Variants in PPP1R9B observed in about 807,000 individuals in gnomAD.
The protein encoded by PPP1R9B is neurabin-2.
In PPP1R9B, 17 loss-of-function variants were observed where a neutral mutation model predicts 75.8. The ratio of observed to expected loss-of-function variants is 0.22; its 90% CI spans 0.15 to 0.34. PPP1R9B has a LOEUF of 0.34. Ranked by LOEUF, PPP1R9B falls within the 10% of genes least tolerant of loss-of-function variation. PPP1R9B has a pLI of 1.00. For missense variants in PPP1R9B, 875 were observed against 1,196.0 expected (o/e 0.73, Z 3.96); for synonymous variants, 509 against 535.4 (o/e 0.95, Z 0.68).
intron 1 of PPP1R9B, among the ~76,000 whole-genome samples, chr17:50,147,567 A>C (rs988610367): frequency 1.3e-5 from 2 of 152,142 alleles, no homozygotes; most frequent in African/African-American, 4.8e-5. Context: ...TTACTGAAAA[A>C]TCAGGGTAAG....
chr17:50,146,748 T>C (rs1052692984), intron 1 of PPP1R9B, among the ~76,000 whole-genome samples: 1 of 152,196 alleles, frequency 6.6e-6, no homozygotes, highest in Non-Finnish European at 1.5e-5. Flanking sequence ...ACCTTGCACA[T>C]AGTCCAGGGC....
At chr17:50,140,525 T>G (rs534983414) in intron 4 of PPP1R9B, among the ~76,000 whole-genome samples, 1 of 152,240 alleles carries the variant, frequency 6.6e-6, no homozygotes, top group Non-Finnish European at 1.5e-5. Flanking sequence ...GCTCTTCCCC[T>G]GCCACAGGGG....
chr17:50,137,051 G>A (rs1032853192), intron 7 of PPP1R9B, among the ~76,000 whole-genome samples: 9 of 152,156 alleles, frequency 5.9e-5, no homozygotes, highest in Admixed American at 1.3e-4. Context: ...AGGCCTTCCT[G>A]CAGATCCTCA....
intron 2 of PPP1R9B, 43 bp downstream of exon 2, chr17:50,145,070 A>T: frequency 6.2e-7 from 1 of 1,606,802 alleles, no homozygotes; most frequent in Non-Finnish European, 8.5e-7. Context: ...GACCCGGGTC[A>T]ACCCCAGCTG....
chr17:50,145,088 G>C, intron 2 of PPP1R9B, 25 bp downstream of exon 2: 1 of 1,612,592 alleles, frequency 6.2e-7, no homozygotes, highest in Non-Finnish European at 8.5e-7. Flanking sequence ...CTGTGCGCAA[G>C]TGACGTGGCC....
At chr17:50,146,650 G>A (rs1246068336) in intron 1 of PPP1R9B, among the ~76,000 whole-genome samples, 1 of 152,184 alleles carries the variant, frequency 6.6e-6, no homozygotes, top group African/African-American at 2.4e-5. Flanking sequence ...TTAGCTCAAT[G>A]CCCTCAATTT....
In PPP1R9B at chr17:50,139,162, C is replaced by T. The variant is rs1912303589; in HGVS notation, c.2073+101G>A. The T allele has an allele frequency of 3.8e-6, 5 of 1,323,382 alleles. No individual in the cohort carries two copies. In the Admixed American group the frequency reaches 6.7e-5, roughly 18 times the overall value. The allele number at this position is 1,323,382 out of a possible 1,614,324, so 82.0% of individuals were successfully genotyped here. A position where few individuals can be genotyped will look rare whatever the true frequency, so the allele number is the denominator to read the frequency against. ...TTAGAGCAGCTTGTTCTGTGGGTACCTGTGCCTAAGTGTCAGCATGTGCAG... is the reference window on the plus strand; with the variant it reads ...TTAGAGCAGCTTGTTCTGTGGGTACTTGTGCCTAAGTGTCAGCATGTGCAG... On this transcript the variant is annotated intron_variant, in intron 7 of 9. Coordinates refer to ENST00000612501, the MANE Select transcript of PPP1R9B (RefSeq NM_032595.5). This position sits in a 1 kb window ranked among gnomAD's most constrained non-coding sequence, Gnocchi z 5.0.
In PPP1R9B at chr17:50,142,270, C is replaced by A. The variant is rs1010327044; in HGVS notation, c.1626-897G>T. On this transcript the variant is annotated intron_variant, in intron 3 of 9. Transcript: ENST00000612501. This position sits in a 1 kb window ranked among gnomAD's most constrained non-coding sequence, Gnocchi z 4.1. Reference sequence around the variant, plus strand: ...CTCCACCTCCCTGGGAGCTCCAGGCCTTCTCTCAGGACTCCCACACGGAAA... The same window carrying A: ...CTCCACCTCCCTGGGAGCTCCAGGCATTCTCTCAGGACTCCCACACGGAAA... Among the ~76,000 whole-genome samples, 12 of 152,150 alleles carry A rather than the reference C, an allele frequency of 7.9e-5. No homozygotes were observed. The highest frequency in any genetic ancestry group is 5.8e-4 in the East Asian group (3 of 5,188).
At chr17:50,143,176 A>T (rs1411512844) in intron 3 of PPP1R9B, among the ~76,000 whole-genome samples, 4 of 152,178 alleles carry the variant, frequency 2.6e-5, no homozygotes, top group Non-Finnish European at 5.9e-5. Context: ...ACACTTCTCA[A>T]GTGCGCCAGG....
chr17:50,147,341 A>G (rs1912542155), intron 1 of PPP1R9B, among the ~76,000 whole-genome samples: 1 of 152,214 alleles, frequency 6.6e-6, no homozygotes, highest in Admixed American at 6.5e-5. Context: ...CAATTGGGTC[A>G]TCCATGGGGA....
At chr17:50,146,386 T>C (rs1454769698) in intron 1 of PPP1R9B, among the ~76,000 whole-genome samples, 1 of 152,142 alleles carries the variant, frequency 6.6e-6, no homozygotes, top group East Asian at 1.9e-4. Context: ...GCTCTATCAG[T>C]TGGCTGAGTC....
rs556368857 is a variant in PPP1R9B at position 50,139,723 on chromosome 17, G to A, written c.1867-142C>T. 74 of 980,150 alleles carry A rather than the reference G, an allele frequency of 7.5e-5. No individual in the cohort carries two copies. The African/African-American group carries it at 1.1e-3, about 14-fold the overall frequency. The allele number at this position is 980,150 out of a possible 1,614,324, so 60.7% of individuals were successfully genotyped here. ...ATGCCTCCCACTTCAGCCTGAGGCT[G>A]GACCAGAGACACGGTTTATGTCTTC... is the stretch of plus-strand genomic sequence containing the variant. On this transcript the variant is annotated intron_variant, in intron 5 of 9. Transcript: ENST00000612501. The surrounding 1 kb of genome is among the most constrained non-coding windows in gnomAD (Gnocchi z 5.0).
chr17:50,145,084 G>C (rs372833242), intron 2 of PPP1R9B, 29 bp downstream of exon 2: 5 of 1,611,620 alleles, frequency 3.1e-6, no homozygotes, highest in South Asian at 2.2e-5. Flanking sequence ...CCAGCTGTGC[G>C]CAAGTGACGT....
chr17:50,140,330 G>C, intron 4 of PPP1R9B, 102 bp from the exon 5 acceptor site: 2 of 1,410,328 alleles, frequency 1.4e-6, no homozygotes, highest in Non-Finnish European at 1.9e-6. Flanking sequence ...CCTCCCAGGG[G>C]AGGAGAGATG....
intron 9 of PPP1R9B, 40 bp from the exon 10 acceptor site, chr17:50,135,424 C>G (rs374728330): frequency 1.6e-5 from 25 of 1,604,042 alleles, no homozygotes; most frequent in Non-Finnish European, 2.0e-5. Context: ...GTCTGGACAC[C>G]AGGCATGATC....
In PPP1R9B at chr17:50,149,895, TG is replaced by T; in HGVS notation, c.618del (p.Thr207ArgfsTer112). 1 of 1,505,914 alleles carries T rather than the reference TG, an allele frequency of 6.6e-7. No individual in the cohort carries two copies. The highest frequency in any genetic ancestry group is 8.8e-7 in the Non-Finnish European group (1 of 1,134,678). The allele number at this position is 1,505,914 out of a possible 1,614,324, so 93.3% of individuals were successfully genotyped here. ...LDKLDADAVSPTVSQLSAVFE... is the reference protein window; with the variant it reads ...LDKLDADAVSXTVSQLSAVFE... ...AAGACGGCGCTGAGCTGGCTGACCG[TG>T]GGGGACACGGCGTCAGCGTCCAGCT... On this transcript the variant is annotated frameshift_variant, in exon 1 of 10. Coordinates refer to ENST00000612501, the MANE Select transcript of PPP1R9B (RefSeq NM_032595.5). LOFTEE classifies it high-confidence loss of function. The surrounding 1 kb of genome is among the most constrained non-coding windows in gnomAD (Gnocchi z 7.2).
chr17:50,150,098 T>TGCG lies in PPP1R9B; in HGVS notation c.413_415dup (p.Pro138dup), dbSNP rs1180419470. The TGCG allele has an allele frequency of 4.2e-5, 58 of 1,396,132 alleles. No homozygotes were observed. The highest frequency in any genetic ancestry group is 2.5e-4 in the Middle Eastern group (1 of 3,952). The allele number at this position is 1,396,132 out of a possible 1,614,324, so 86.5% of individuals were successfully genotyped here. On this transcript the variant is annotated inframe_insertion, in exon 1 of 10. Coordinates refer to ENST00000612501, the MANE Select transcript of PPP1R9B (RefSeq NM_032595.5). The surrounding 1 kb of genome is among the most constrained non-coding windows in gnomAD (Gnocchi z 8.7). ...CGTCTCCTGCAGCCGGGACGGCGGG[T>TGCG]GCGGCGGCGGCGCAGGCTGCGCGGA...
intron 7 of PPP1R9B, among the ~76,000 whole-genome samples, chr17:50,136,601 C>A (rs1252367132): frequency 1.3e-5 from 2 of 152,154 alleles, no homozygotes; most frequent in East Asian, 3.8e-4. Context: ...TGAGGGTCAC[C>A]ATTACTCTCT....
chr17:50,139,587 A>G lies in PPP1R9B; in HGVS notation c.1867-6T>C. ...TCAGTGGCATACTCTCCCGTCTGCG[A>G]AGGGAGACCGGAGACTGTGGGCCCA... On this transcript the variant is annotated splice_region_variant and splice_polypyrimidine_tract_variant and intron_variant, in intron 5 of 9. Transcript: ENST00000612501. This position sits in a 1 kb window ranked among gnomAD's most constrained non-coding sequence, Gnocchi z 5.0. 1 of 1,538,050 alleles carries G rather than the reference A, an allele frequency of 6.5e-7. No homozygotes were observed.
Sources: allele counts gnomAD v4.1 joint callset (sites outside exome capture counted in the v4.1 genomes callset), GRCh38; gene constraint gnomAD v4.1.1; non-coding constraint Gnocchi (gnomAD v3.1); transcripts MANE v1.5; gene names NCBI Gene and HGNC (gene_info 2026-07-23, HGNC 2026-07-21).